Variants in ABCC9 observed in about 807,000 individuals in gnomAD.
The protein encoded by ABCC9 is ATP-binding cassette sub-family C member 9.
ABCC9 carries 95 observed loss-of-function variants against 188.3 expected under a neutral mutation model. That is an observed-to-expected ratio of 0.50 (90% CI 0.43 to 0.60). ABCC9 has a LOEUF of 0.60. Among genes scored for constraint, ABCC9 ranks in the 20% least tolerant of loss-of-function variants. ABCC9 has a pLI of 0.00. For missense variants in ABCC9, 1,102 were observed against 1,876.3 expected, an observed-to-expected ratio of 0.59 and a Z score of 7.62; for synonymous variants, 659 against 652.7, an observed-to-expected ratio of 1.01 and a Z score of -0.15.
intron 12 of ABCC9, among the ~76,000 whole-genome samples, chr12:21,905,538 G>A (rs979444865): frequency 6.6e-6 from 1 of 151,966 alleles, no homozygotes; most frequent in African/African-American, 2.4e-5. Context: ...GATGTCTTTT[G>A]TTTCCAAAGT....
Position 21,799,807 on chromosome 12 carries a change from A to G in ABCC9, c.*1237T>C. The G allele has an allele frequency of 6.6e-6, 1 of 152,366 alleles. No homozygotes were observed. Among genetic ancestry groups the G allele is most frequent in the Non-Finnish European group, 1.5e-5 (1 of 68,028 alleles). 9.4% of individuals were successfully genotyped at this position (152,366 alleles called of 1,614,324 possible). A position where few individuals can be genotyped will look rare whatever the true frequency, so the allele number is the denominator to read the frequency against. On this transcript the variant is annotated 3_prime_UTR_variant, in exon 40 of 40. Transcript: ENST00000261200. ...TATTGACACTGGATGGGCACAGAAT[A>G]GTAGAAACTGGTTGCTAACGTGACA...
intron 3 of ABCC9, among the ~76,000 whole-genome samples, chr12:21,934,479 T>C (rs1368497187): frequency 6.6e-6 from 1 of 152,080 alleles, no homozygotes; most frequent in African/African-American, 2.4e-5. Context: ...CTAAATTTCT[T>C]GATGATGAGC....
Position 21,845,865 on chromosome 12 carries a change from A to G in ABCC9, c.2867-33T>C, listed in dbSNP as rs748468967. On this transcript the variant is annotated intron_variant, in intron 25 of 39. Transcript: ENST00000261200. ...CAAAAAACTTTTGTTTAAGCTTCAG[A>G]TGGGCACCGGCTAGATATAATTTTT... 1.4e-5 allele frequency: 21 copies of G among 1,476,220 alleles called. No individual in the cohort carries two copies. In the East Asian group the frequency reaches 4.8e-4, roughly 33 times the overall value. The allele number at this position is 1,476,220 out of a possible 1,614,324, so 91.4% of individuals were successfully genotyped here. A position where few individuals can be genotyped will look rare whatever the true frequency, so the allele number is the denominator to read the frequency against.
At chr12:21,839,490 C>T (rs1215327065) in intron 29 of ABCC9, among the ~76,000 whole-genome samples, 1 of 152,144 alleles carries the variant, frequency 6.6e-6, no homozygotes, top group Non-Finnish European at 1.5e-5. Context: ...ACATAAAACA[C>T]AGACATATAC....
chr12:21,872,205 T>C (rs1946118087), intron 18 of ABCC9, among the ~76,000 whole-genome samples: 2 of 152,224 alleles, frequency 1.3e-5, no homozygotes, highest in African/African-American at 4.8e-5. Context: ...CTTATACAGA[T>C]TTTGGAAAAG....
At chr12:21,915,588 C>T in intron 7 of ABCC9, 80 bp downstream of exon 7, 24 of 1,535,262 alleles carry the variant, frequency 1.6e-5, no homozygotes, top group Non-Finnish European at 2.0e-5. Context: ...TCCTGGCTCA[C>T]TGCAAGCTCT....
At chr12:21,862,367 G>C (rs753429274) in intron 20 of ABCC9, among the ~76,000 whole-genome samples, 1 of 151,926 alleles carries the variant, frequency 6.6e-6, no homozygotes, top group Non-Finnish European at 1.5e-5. Flanking sequence ...CTTTCATATG[G>C]TCTACTTTTC....
chr12:21,932,006 A>G (rs973556684), intron 4 of ABCC9, among the ~76,000 whole-genome samples: 1 of 152,134 alleles, frequency 6.6e-6, no homozygotes, highest in Non-Finnish European at 1.5e-5. Context: ...GCAACAGAAA[A>G]CACAAACAGA....
chr12:21,884,850 A>G (rs1272289225), intron 15 of ABCC9, among the ~76,000 whole-genome samples: 1 of 152,154 alleles, frequency 6.6e-6, no homozygotes, highest in Non-Finnish European at 1.5e-5. Context: ...GCCCTCACAA[A>G]TACTCCTGGA....
chr12:21,814,769 CA>C, intron 34 of ABCC9, 47 bp from the exon 35 acceptor site: 1 of 1,506,038 alleles, frequency 6.6e-7, no homozygotes, highest in Non-Finnish European at 9.2e-7. Context: ...CAGAAAAGGA[CA>C]GAAGATTAGC....
In ABCC9 at chr12:21,915,376, A is replaced by G. The variant is rs192025026; in HGVS notation, c.816+292T>C. The stretch of plus-strand genomic sequence containing the variant: ...ATATATAATGTGTATATATGTGTGT[A>G]TATATAGACATGTGTATATATGTAT... On this transcript the variant is annotated intron_variant, in intron 7 of 39. Coordinates refer to ENST00000261200, the MANE Select transcript of ABCC9 (RefSeq NM_020297.4). 5.6e-4 allele frequency among the ~76,000 whole-genome samples: 79 copies of G among 141,060 alleles called. No homozygotes were observed. The East Asian group carries it at 8.6e-3, about 15-fold the overall frequency. 92.5% of individuals were successfully genotyped at this position (141,060 alleles called of 152,430 possible). A position where few individuals can be genotyped will look rare whatever the true frequency, so the allele number is the denominator to read the frequency against.
intron 16 of ABCC9, 52 bp from the exon 17 acceptor site, chr12:21,875,778 A>C (rs1376245204): frequency 7.0e-7 from 1 of 1,426,130 alleles, no homozygotes; most frequent in African/African-American, 1.4e-5. Context: ...TCAATGAATA[A>C]TTCTAATTAA....
rs1039306183 is a variant in ABCC9, at chr12:21,910,885, A to G, written c.1105T>C (p.Leu369=). ...FLALILQRTF[L]QASYYVTIET... is the part of the protein sequence containing the mutation. ...ATGGTTACATAGTAGGAAGCCTGCA[A>G]AAATGTCCTTTGCAGAATAAGAGCC... Residue 369 remains leucine (L), a synonymous_variant, in exon 9 of 40, where the codon TTG becomes CTG. Coordinates refer to ENST00000261200, the MANE Select transcript of ABCC9 (RefSeq NM_020297.4). 6.2e-7 allele frequency: 1 copy of G among 1,612,718 alleles called. No homozygotes were observed. The highest frequency in any genetic ancestry group is 8.5e-7 in the Non-Finnish European group (1 of 1,178,956).
chr12:21,894,053 A>G lies in ABCC9; in HGVS notation c.1781T>C (p.Phe594Ser). Reference protein sequence around the residue: ...PLFLLSTVVRFAVKAIISVQK... With the variant: ...PLFLLSTVVRSAVKAIISVQK... Reference sequence around the variant, plus strand: ...ATACCTTATGATGGCTTTGACTGCAAATCTGACCACCGTGGAGAGCAGGAA... The same window carrying G: ...ATACCTTATGATGGCTTTGACTGCAGATCTGACCACCGTGGAGAGCAGGAA... The change falls in exon 14 of 40, where the codon TTT becomes TCT. Residue 594 changes from phenylalanine to serine, a missense_variant. Physicochemically the swap from Phe to Ser is radical, Grantham distance 155. Around this residue, in one of 12 missense-constraint regions of ABCC9, gnomAD observed 258 missense variants for 325.6 expected, o/e 0.79. Coordinates refer to ENST00000261200, the MANE Select transcript of ABCC9 (RefSeq NM_020297.4). The G allele has an allele frequency of 6.2e-7, 1 of 1,614,084 alleles. No homozygotes were observed.
chr12:21,915,514 A>ATTTTTTTTTTTTT (rs71053356), intron 7 of ABCC9, among the ~76,000 whole-genome samples, 154 bp downstream of exon 7: 298 of 3,522 alleles, frequency 0.085, 86 homozygotes, highest in Non-Finnish European at 0.12. Flanking sequence ...ATATATATAT[A>ATTTTTTTTTTTTT]TTTTTTTTTT....
chr12:21,841,725 A>C (rs1057430702), intron 29 of ABCC9, among the ~76,000 whole-genome samples: 2 of 151,584 alleles, frequency 1.3e-5, no homozygotes, highest in African/African-American at 4.9e-5. Context: ...AAAATTTGTC[A>C]GTCTTAGAAC....
intron 5 of ABCC9, chr12:21,923,036 G>C (rs1948895489): frequency 6.9e-6 from 1 of 145,938 alleles, no homozygotes. Context: ...TTGAGAAACA[G>C]AAAGTCTATC....
intron 19 of ABCC9, among the ~76,000 whole-genome samples, chr12:21,863,631 C>T (rs1277171050): frequency 2.6e-5 from 4 of 152,134 alleles, no homozygotes; most frequent in Non-Finnish European, 5.9e-5. Flanking sequence ...ATATTGAAAT[C>T]GCTTATATTT....
chr12:21,880,275 G>T (rs1286080438), intron 16 of ABCC9, among the ~76,000 whole-genome samples: 1 of 152,072 alleles, frequency 6.6e-6, no homozygotes, highest in African/African-American at 2.4e-5. Context: ...AAGTTAAAAA[G>T]TGTAGCTTCA....
Sources: allele counts gnomAD v4.1 joint callset (sites outside exome capture counted in the v4.1 genomes callset), GRCh38; gene constraint gnomAD v4.1.1; regional missense constraint gnomAD v4.1.1; transcripts MANE v1.5; gene names NCBI Gene and HGNC (gene_info 2026-07-23, HGNC 2026-07-21).